PDE1C: variants seen among roughly 807,000 people sequenced by gnomAD.
The protein encoded by PDE1C is phosphodiesterase 1C.
In PDE1C, 62 loss-of-function variants were observed where a neutral mutation model predicts 93.1. The observed-to-expected ratio is 0.67, with a 90% confidence interval of 0.54 to 0.82. The LOEUF (loss-of-function observed/expected upper bound fraction) is 0.82. Among genes scored for constraint, PDE1C ranks in the 40% least tolerant of loss-of-function variants. PDE1C has a pLI of 0.00. For missense variants in PDE1C, 742 were observed against 884.6 expected, an observed-to-expected ratio of 0.84 and a Z score of 2.04; for synonymous variants, 325 against 310.1, an observed-to-expected ratio of 1.05 and a Z score of -0.50.
the PDE1C span, chr7:31,643,387 G>C: frequency 1.9e-6 from 3 of 1,613,964 alleles, no homozygotes; most frequent in South Asian, 2.2e-5. Context: ...ACTGCCTGGA[G>C]ATCCTGCCCA....
intron 2 of PDE1C, among the ~76,000 whole-genome samples, chr7:31,891,849 A>G (rs1419875315): frequency 1.3e-5 from 2 of 151,584 alleles, no homozygotes; most frequent in Non-Finnish European, 2.9e-5. Context: ...CGTGAGTACA[A>G]TAAAACTGGA....
intron 3 of PDE1C, among the ~76,000 whole-genome samples, chr7:32,134,484 A>G (rs1214064377): frequency 6.6e-6 from 1 of 152,182 alleles, no homozygotes; most frequent in Non-Finnish European, 1.5e-5. Context: ...AAGAGCCAGT[A>G]AAGGATATGG....
chr7:31,940,597 C>G (rs1309023275), intron 2 of PDE1C, among the ~76,000 whole-genome samples: 1 of 152,134 alleles, frequency 6.6e-6, no homozygotes, highest in Non-Finnish European at 1.5e-5. Context: ...CCTCCCAGAA[C>G]CCATAGGGAT....
At chr7:32,386,128 A>G (rs1166562406) in intron 1 of PDE1C, among the ~76,000 whole-genome samples, 3 of 130,328 alleles carry the variant, frequency 2.3e-5, no homozygotes, top group Non-Finnish European at 4.8e-5. Flanking sequence ...AAATGTATAT[A>G]TTTACAAATT....
chr7:31,846,419 C>T (rs936855554), intron 9 of PDE1C, among the ~76,000 whole-genome samples: 1 of 151,814 alleles, frequency 6.6e-6, no homozygotes, highest in Non-Finnish European at 1.5e-5. Flanking sequence ...GGAAAACTGG[C>T]TAGCCATATG....
intron 2 of PDE1C, among the ~76,000 whole-genome samples, chr7:31,960,222 A>G (rs568638934): frequency 6.6e-6 from 1 of 152,244 alleles, no homozygotes; most frequent in South Asian, 2.1e-4. Context: ...AGAAAACTGA[A>G]GCGCACTATT....
the PDE1C span, among the ~76,000 whole-genome samples, chr7:31,625,360 T>C: frequency 1.4e-3 from 220 of 151,992 alleles, 1 homozygote; most frequent in Middle Eastern, 0.024. Flanking sequence ...TAGCAAAGAC[T>C]TGGAACCAAC....
At chr7:31,652,155 A>G in the PDE1C span, 2 of 872,764 alleles carry the variant, frequency 2.3e-6, no homozygotes, top group South Asian at 1.6e-5. Context: ...CTAGGTTTAC[A>G]TGCCAACACC....
At chr7:31,630,890 G>GA in the PDE1C span, among the ~76,000 whole-genome samples, 2 of 151,792 alleles carry the variant, frequency 1.3e-5, no homozygotes, top group Non-Finnish European at 2.9e-5. Context: ...CTGAATTCAA[G>GA]AAAAAAATAC....
intron 2 of PDE1C, among the ~76,000 whole-genome samples, chr7:32,179,816 A>G (rs755430564): frequency 4.6e-5 from 7 of 152,208 alleles, no homozygotes; most frequent in South Asian, 2.1e-4. Flanking sequence ...TCAGTTCTGT[A>G]TAAGAATACT....
intron 1 of PDE1C, among the ~76,000 whole-genome samples, chr7:32,401,829 G>T (rs572745835): frequency 5.3e-5 from 8 of 152,340 alleles, no homozygotes; most frequent in Admixed American, 3.3e-4. Flanking sequence ...CAGAGAGTCT[G>T]CAGTCTTTCA....
chr7:31,877,876 T>G, intron 5 of PDE1C, 94 bp downstream of exon 5: 2 of 735,008 alleles, frequency 2.7e-6, no homozygotes, highest in Non-Finnish European at 4.5e-6. Context: ...ACTGGAAAAG[T>G]AACTGTAAAT....
At chr7:31,992,505 T>G (rs1784262393) in intron 2 of PDE1C, among the ~76,000 whole-genome samples, 1 of 152,200 alleles carries the variant, frequency 6.6e-6, no homozygotes, top group African/African-American at 2.4e-5. Context: ...TGCTGAGACC[T>G]CAGTGGGATG....
At chr7:31,655,735 C>G in the PDE1C span, 1 of 985,678 alleles carries the variant, frequency 1.0e-6, no homozygotes. Flanking sequence ...TTTGTGCCTC[C>G]AAATCGTTTC....
intron 2 of PDE1C, among the ~76,000 whole-genome samples, chr7:32,208,130 A>C (rs1805739160): frequency 6.6e-6 from 1 of 152,270 alleles, no homozygotes; most frequent in Admixed American, 6.5e-5. Flanking sequence ...AAATATGAGC[A>C]CTTCATGCTC....
chr7:31,755,180 T>C (rs1014034138), intron 17 of PDE1C, among the ~76,000 whole-genome samples: 2 of 152,064 alleles, frequency 1.3e-5, no homozygotes, highest in East Asian at 1.9e-4. Flanking sequence ...AAACAGAGGG[T>C]GGATGGTGAG....
At chr7:32,161,169 C>T (rs1801896973) in intron 3 of PDE1C, among the ~76,000 whole-genome samples, 1 of 152,156 alleles carries the variant, frequency 6.6e-6, no homozygotes, top group Non-Finnish European at 1.5e-5. Context: ...ACCAGGCAAT[C>T]CAGGCAGTGG....
chr7:32,109,932 TAAACTC>T (rs1798551444), intron 3 of PDE1C, among the ~76,000 whole-genome samples: 1 of 152,168 alleles, frequency 6.6e-6, no homozygotes, highest in Admixed American at 6.6e-5. Context: ...AGTTTGTTAA[TAAACTC>T]AAAGTGAAAT....
chr7:31,855,155 G>C (rs1297385939), intron 7 of PDE1C, among the ~76,000 whole-genome samples: 2 of 151,832 alleles, frequency 1.3e-5, no homozygotes, highest in African/African-American at 2.4e-5. Context: ...TGGGTTCTCT[G>C]GTCAGGGTAT....
Sources: allele counts gnomAD v4.1 joint callset (sites outside exome capture counted in the v4.1 genomes callset), GRCh38; gene constraint gnomAD v4.1.1; transcripts MANE v1.5; gene names NCBI Gene and HGNC (gene_info 2026-07-23, HGNC 2026-07-21).